The following PARD3B variants were observed in gnomAD, a reference collection of about 807,000 sequenced individuals.
PARD3B encodes the protein par-3 family cell polarity regulator beta.
In PARD3B, 103 loss-of-function variants were observed where a neutral mutation model predicts 130.2. The ratio of observed to expected loss-of-function variants is 0.79; its 90% CI spans 0.67 to 0.93. PARD3B has a LOEUF of 0.93. Among genes scored for constraint, PARD3B ranks in the 40% least tolerant of loss-of-function variants. The pLI, the probability that PARD3B is intolerant of heterozygous loss-of-function variation, is 0.00. For synonymous variants in PARD3B, 583 were observed against 553.2 expected (o/e 1.05, Z -0.76); for missense variants, 1,609 against 1,499.2 (o/e 1.07, Z -1.21).
intron 2 of PARD3B, among the ~76,000 whole-genome samples, chr2:204,915,439 C>G (rs371873973): frequency 9.2e-5 from 14 of 151,994 alleles, no homozygotes; most frequent in Admixed American, 6.5e-4. Flanking sequence ...TGTTATGCAT[C>G]GTTTAAGGAG....
intron 2 of PARD3B, among the ~76,000 whole-genome samples, chr2:204,855,027 A>T (rs1485731403): frequency 6.6e-6 from 1 of 152,136 alleles, no homozygotes; most frequent in African/African-American, 2.4e-5. Context: ...TAGGGCTCAC[A>T]GATTGGTTGG....
intron 2 of PARD3B, among the ~76,000 whole-genome samples, chr2:204,706,881 TG>T (rs2038189061): frequency 6.6e-6 from 1 of 152,124 alleles, no homozygotes; most frequent in Non-Finnish European, 1.5e-5. Context: ...GGTGAAATAA[TG>T]ATGATAAATA....
intron 1 of PARD3B, among the ~76,000 whole-genome samples, chr2:204,555,450 TGA>T (rs1054792762): frequency 3.3e-5 from 5 of 151,990 alleles, no homozygotes; most frequent in African/African-American, 1.2e-4. Context: ...CCCAGCTACT[TGA>T]GAGGCCGAGG....
intron 1 of PARD3B, among the ~76,000 whole-genome samples, chr2:204,665,435 C>T (rs982957440): frequency 1.3e-5 from 2 of 152,098 alleles, no homozygotes; most frequent in Non-Finnish European, 2.9e-5. Context: ...GGCAGATTTT[C>T]TTATTTTAGA....
rs2041640066 is a variant in PARD3B, at chr2:205,292,360, C to T, written c.2186-8170C>T. Among the ~76,000 whole-genome samples the T allele has an allele frequency of 6.6e-6, 1 of 152,166 alleles. No homozygotes were observed. The highest frequency in any genetic ancestry group is 2.4e-5 in the African/African-American group (1 of 41,430). On this transcript the variant is annotated intron_variant, in intron 16 of 22. Coordinates refer to ENST00000406610, the MANE Select transcript of PARD3B (RefSeq NM_001302769.2). This position sits in a 1 kb window ranked among gnomAD's most constrained non-coding sequence, Gnocchi z 5.3. Reference sequence around the variant, plus strand: ...CCAGGAAGCAGGCCCTCACCAGACACCAAATCTGTCAGCACCTTGATCTTG... The same window carrying T: ...CCAGGAAGCAGGCCCTCACCAGACATCAAATCTGTCAGCACCTTGATCTTG...
At chr2:204,703,032 A>G (rs376140460) in intron 2 of PARD3B, among the ~76,000 whole-genome samples, 2 of 152,330 alleles carry the variant, frequency 1.3e-5, no homozygotes, top group East Asian at 1.9e-4. Flanking sequence ...AATTTTAGGC[A>G]TAGTGCTAAA....
In PARD3B at chr2:205,473,813, C is replaced by T. The variant is rs190559141; in HGVS notation, c.3045-26083C>T. 7.4e-5 allele frequency among the ~76,000 whole-genome samples: 11 copies of T among 149,262 alleles called. No individual in the cohort carries two copies. The East Asian group carries it at 2.2e-3, about 29-fold the overall frequency. ...ACTTGCAGTTCAACCTGTTGTCTTA[C>T]GAAAGGGGAGATATTCTTTTCTTTG... On this transcript the variant is annotated intron_variant, in intron 20 of 22. Transcript: ENST00000406610. The surrounding 1 kb of genome is among the most constrained non-coding windows in gnomAD (Gnocchi z 4.9).
At chr2:204,733,705 A>G (rs148185529) in intron 2 of PARD3B, among the ~76,000 whole-genome samples, 2 of 152,192 alleles carry the variant, frequency 1.3e-5, no homozygotes, top group East Asian at 3.9e-4. Flanking sequence ...TAGATCAATA[A>G]CTTGAATAGA....
chr2:205,490,349 C>T lies in PARD3B; in HGVS notation c.3045-9547C>T, dbSNP rs143700293. 1.2e-3 allele frequency among the ~76,000 whole-genome samples: 185 copies of T among 151,778 alleles called. 1 individual carries two copies. Among genetic ancestry groups the T allele is most frequent in the South Asian group, 4.4e-3 (21 of 4,782 alleles). On this transcript the variant is annotated intron_variant, in intron 20 of 22. Transcript: ENST00000406610. ...TCATTGTTCAATTCCCACCTATGAGCGAGAACGTGCGGTGTTTAGTTTTCT... is the reference window on the plus strand; with the variant it reads ...TCATTGTTCAATTCCCACCTATGAGTGAGAACGTGCGGTGTTTAGTTTTCT...
At chr2:205,505,395 T>A (rs934078696) in intron 21 of PARD3B, among the ~76,000 whole-genome samples, 6 of 146,804 alleles carry the variant, frequency 4.1e-5, no homozygotes, top group African/African-American at 1.4e-4. Context: ...AATAAAAAAA[T>A]AAAATAAAAT....
In PARD3B at chr2:205,612,427, C is replaced by A. The variant is rs576139374; in HGVS notation, c.3261-3029C>A. 2.0e-5 allele frequency among the ~76,000 whole-genome samples: 3 copies of A among 152,238 alleles called. No homozygotes were observed. The South Asian group carries it at 6.2e-4, about 32-fold the overall frequency. ...AAAGTGCTGGAATTACAGGCATGAG[C>A]CACCGCCCCCGGCCAAAATTAGTTT... is the stretch of plus-strand genomic sequence containing the variant. On this transcript the variant is annotated intron_variant, in intron 22 of 22. Coordinates refer to ENST00000406610, the MANE Select transcript of PARD3B (RefSeq NM_001302769.2).
intron 3 of PARD3B, among the ~76,000 whole-genome samples, chr2:204,988,705 A>C (rs1423956779): frequency 6.6e-6 from 1 of 152,208 alleles, no homozygotes; most frequent in Non-Finnish European, 1.5e-5. Flanking sequence ...TTTGTTCAAA[A>C]ATTTTAGATT....
chr2:204,880,657 CAAAAAAAAAAAAA>C (rs746023895), intron 2 of PARD3B, among the ~76,000 whole-genome samples: 1 of 55,466 alleles, frequency 1.8e-5, no homozygotes, highest in Non-Finnish European at 4.0e-5. Context: ...GACTCCATCT[CAAAAAAAAAAAAA>C]AAAAAAAAAA....
chr2:204,620,622 G>T (rs2034265107), intron 1 of PARD3B, among the ~76,000 whole-genome samples: 1 of 152,096 alleles, frequency 6.6e-6, no homozygotes, highest in African/African-American at 2.4e-5. Flanking sequence ...AAATGAGAAG[G>T]TGTTAGAGTC....
In PARD3B at chr2:205,130,937, C is replaced by CA. The variant is rs530375969; in HGVS notation, c.1434+5202dup. On this transcript the variant is annotated intron_variant, in intron 10 of 22. Transcript: ENST00000406610. ...AACAGTTGCTGAGCTTAGTGTAGTCCAACACTGTCATGGTTACCTGTCCCT... is the reference window on the plus strand; with the variant it reads ...AACAGTTGCTGAGCTTAGTGTAGTCCAAACACTGTCATGGTTACCTGTCCCT... Among the ~76,000 whole-genome samples, 492 of 152,192 alleles carry CA rather than the reference C, an allele frequency of 3.2e-3. 1 individual carries two copies. The highest frequency in any genetic ancestry group is 4.4e-3 in the Non-Finnish European group (301 of 68,006).
In PARD3B at chr2:205,158,132, C is replaced by A. The variant is rs780915934; in HGVS notation, c.1435-590C>A. Among the ~76,000 whole-genome samples, 2 of 152,156 alleles carry A rather than the reference C, an allele frequency of 1.3e-5. No individual in the cohort carries two copies. Among genetic ancestry groups the A allele is most frequent in the Non-Finnish European group, 2.9e-5 (2 of 68,022 alleles). On this transcript the variant is annotated intron_variant, in intron 10 of 22. Coordinates refer to ENST00000406610, the MANE Select transcript of PARD3B (RefSeq NM_001302769.2). This position sits in a 1 kb window ranked among gnomAD's most constrained non-coding sequence, Gnocchi z 5.4. ...CATGAGTTTTGACAAAGTGAAATTTCATTTGATGATATCCATTATAAATCG... is the reference window on the plus strand; with the variant it reads ...CATGAGTTTTGACAAAGTGAAATTTAATTTGATGATATCCATTATAAATCG...
chr2:205,061,241 G>A (rs375362243), intron 4 of PARD3B, among the ~76,000 whole-genome samples: 1 of 152,006 alleles, frequency 6.6e-6, no homozygotes, highest in South Asian at 2.1e-4. Flanking sequence ...AAATGCTCAG[G>A]GTTACTAAAG....
intron 2 of PARD3B, among the ~76,000 whole-genome samples, chr2:204,716,383 C>G (rs1459760078): frequency 5.3e-5 from 8 of 151,958 alleles, no homozygotes; most frequent in Admixed American, 5.2e-4. Context: ...TTTGTATATA[C>G]ATGAAAATTT....
chr2:205,031,608 G>A (rs1697429631), intron 3 of PARD3B, among the ~76,000 whole-genome samples: 1 of 151,938 alleles, frequency 6.6e-6, no homozygotes, highest in South Asian at 2.1e-4. Flanking sequence ...CCCTCATCTT[G>A]GTAGATTATG....
Sources: allele counts gnomAD v4.1 joint callset (sites outside exome capture counted in the v4.1 genomes callset), GRCh38; gene constraint gnomAD v4.1.1; non-coding constraint Gnocchi (gnomAD v3.1); transcripts MANE v1.5; gene names NCBI Gene and HGNC (gene_info 2026-07-23, HGNC 2026-07-21).